Variants in SOBP observed in about 807,000 individuals in gnomAD.
The protein encoded by SOBP is sine oculis-binding protein homolog.
In SOBP, 4 loss-of-function variants were observed where a neutral mutation model predicts 53.6. That is an observed-to-expected ratio of 0.07 (90% CI 0.04 to 0.17). The LOEUF (loss-of-function observed/expected upper bound fraction) is 0.17. Ranked by LOEUF, SOBP falls within the 10% of genes least tolerant of loss-of-function variation. SOBP has a pLI of 1.00. For synonymous variants in SOBP, 584 were observed against 522.6 expected (o/e 1.12, Z -1.60); for missense variants, 1,088 against 1,204.7 (o/e 0.90, Z 1.43).
chr6:107,610,988 G>C (rs879808103), intron 5 of SOBP, among the ~76,000 whole-genome samples: 9 of 152,278 alleles, frequency 5.9e-5, no homozygotes, highest in Non-Finnish European at 8.8e-5. Flanking sequence ...GCAGGCTGGA[G>C]AGAGCAGGCT....
intron 5 of SOBP, among the ~76,000 whole-genome samples, chr6:107,591,624 T>C (rs1284333919): frequency 6.6e-6 from 1 of 152,096 alleles, no homozygotes; most frequent in Non-Finnish European, 1.5e-5. Context: ...TGGCCAAGTG[T>C]AGAGTACCTG....
chr6:107,643,033 G>C (rs561220504), intron 6 of SOBP, among the ~76,000 whole-genome samples: 7 of 152,292 alleles, frequency 4.6e-5, no homozygotes, highest in African/African-American at 1.4e-4. Flanking sequence ...AAATGTTACT[G>C]TCTTAAATTT....
At chr6:107,569,900 C>T (rs1441738497) in intron 4 of SOBP, among the ~76,000 whole-genome samples, 3 of 152,232 alleles carry the variant, frequency 2.0e-5, no homozygotes, top group Non-Finnish European at 2.9e-5. Flanking sequence ...CCCCCCTTTG[C>T]AGCCCATCTC....
intron 1 of SOBP, among the ~76,000 whole-genome samples, chr6:107,497,944 T>G (rs112316371): frequency 1.3e-5 from 2 of 152,236 alleles, no homozygotes; most frequent in African/African-American, 4.8e-5. Flanking sequence ...TTCTAACAGT[T>G]GTAGCAATTT....
chr6:107,650,970 T>C (rs1277037448), intron 6 of SOBP, among the ~76,000 whole-genome samples: 1 of 152,178 alleles, frequency 6.6e-6, no homozygotes, highest in African/African-American at 2.4e-5. Flanking sequence ...AAACTAAAAT[T>C]GCTACTCCAT....
At chr6:107,555,133 A>G (rs1463428955) in intron 4 of SOBP, among the ~76,000 whole-genome samples, 1 of 151,678 alleles carries the variant, frequency 6.6e-6, no homozygotes, top group African/African-American at 2.4e-5. Context: ...AAAACTGGCC[A>G]TCCACCCACC....
chr6:107,652,828 T>C (rs1771861433), intron 6 of SOBP, among the ~76,000 whole-genome samples: 1 of 151,746 alleles, frequency 6.6e-6, no homozygotes, highest in Non-Finnish European at 1.5e-5. Context: ...AGGTTATGGT[T>C]TGCTGAAGGC....
At chr6:107,610,269 C>T (rs1239246478) in intron 5 of SOBP, among the ~76,000 whole-genome samples, 1 of 152,170 alleles carries the variant, frequency 6.6e-6, no homozygotes, top group Non-Finnish European at 1.5e-5. Context: ...AGACAGCCCA[C>T]CCAGGGCTGC....
rs575862160 is a variant in SOBP, at chr6:107,540,472, A to G, written c.573+6862A>G. On this transcript the variant is annotated intron_variant, in intron 4 of 6. Coordinates refer to ENST00000317357, the MANE Select transcript of SOBP (RefSeq NM_018013.4). ...AGAATGGGAAATTCCCTATGTTACAATCCACTCTTAGGGTGGCTGTGCACA... is the reference window on the plus strand; with the variant it reads ...AGAATGGGAAATTCCCTATGTTACAGTCCACTCTTAGGGTGGCTGTGCACA... Among the ~76,000 whole-genome samples, 9 of 152,314 alleles carry G rather than the reference A, an allele frequency of 5.9e-5. No individual in the cohort carries two copies. In the East Asian group the frequency reaches 1.5e-3, roughly 26 times the overall value.
intron 6 of SOBP, among the ~76,000 whole-genome samples, chr6:107,639,286 T>G (rs1771203691): frequency 6.6e-6 from 1 of 152,230 alleles, no homozygotes; most frequent in South Asian, 2.1e-4. Context: ...GCAGCTACAG[T>G]TGTCTTCAAG....
intron 1 of SOBP, among the ~76,000 whole-genome samples, chr6:107,494,954 A>AAG (rs147467788): frequency 6.6e-6 from 1 of 151,938 alleles, no homozygotes. Context: ...GCTTGATTTT[A>AAG]AGAGAGAGAG....
chr6:107,656,260 A>C (rs1772026902), intron 6 of SOBP, among the ~76,000 whole-genome samples: 1 of 151,414 alleles, frequency 6.6e-6, no homozygotes, highest in Middle Eastern at 3.4e-3. Flanking sequence ...CCCTCTCTCC[A>C]TTGTCACTTA....
chr6:107,533,271 CAAAAA>C (rs762864049), intron 3 of SOBP, among the ~76,000 whole-genome samples, 183 bp from the exon 4 acceptor site: 27 of 32,822 alleles, frequency 8.2e-4, no homozygotes, highest in African/African-American at 1.8e-3. Flanking sequence ...ACTTAGGAGC[CAAAAA>C]AAAAAAAAAA....
chr6:107,498,036 G>A (rs1458415771), intron 1 of SOBP, among the ~76,000 whole-genome samples: 1 of 152,006 alleles, frequency 6.6e-6, no homozygotes, highest in Non-Finnish European at 1.5e-5. Context: ...TTAAAATTAG[G>A]TTTTCCTGAA....
At position 107,645,670 on chromosome 6, in the gene SOBP, G is replaced by C. The variant is rs74596305; in HGVS notation, c.*3+10201G>C. Among the ~76,000 whole-genome samples the C allele has an allele frequency of 9.3e-3, 1,416 of 152,326 alleles. 24 individuals are homozygous for C. The highest frequency in any genetic ancestry group is 0.033 in the African/African-American group (1,355 of 41,558). On this transcript the variant is annotated intron_variant, in intron 6 of 6. Transcript: ENST00000317357. Reference sequence around the variant, plus strand: ...TTGTAACCAAGTGCCTAGCACAGGGGCTGGAAGAATGAGCACACAAGTATT... The same window carrying C: ...TTGTAACCAAGTGCCTAGCACAGGGCCTGGAAGAATGAGCACACAAGTATT...
intron 4 of SOBP, among the ~76,000 whole-genome samples, chr6:107,566,008 A>G (rs942432266): frequency 3.9e-5 from 6 of 152,246 alleles, no homozygotes; most frequent in African/African-American, 1.4e-4. Context: ...TCCCTTGCTA[A>G]GGGAGCTGAC....
In SOBP at chr6:107,569,542, G is replaced by A. The variant is rs192836032; in HGVS notation, c.574-17538G>A. Among the ~76,000 whole-genome samples, 18 of 152,270 alleles carry A rather than the reference G, an allele frequency of 1.2e-4. No homozygotes were observed. The East Asian group carries it at 1.5e-3, about 13-fold the overall frequency. On this transcript the variant is annotated intron_variant, in intron 4 of 6. Transcript: ENST00000317357. ...TGTGAAGCACACGCCTCAACTTTTC[G>A]TTACTTTGGCTTTTTTTGGCTAGTG...
intron 3 of SOBP, among the ~76,000 whole-genome samples, chr6:107,531,916 G>GA (rs1363345056): frequency 6.6e-6 from 1 of 151,986 alleles, no homozygotes. Flanking sequence ...TACTCAGGGG[G>GA]AAAAAAGCCA....
intron 2 of SOBP, among the ~76,000 whole-genome samples, chr6:107,504,847 T>A (rs1782937309): frequency 6.6e-6 from 1 of 152,238 alleles, no homozygotes; most frequent in African/African-American, 2.4e-5. Flanking sequence ...ATCATCAATT[T>A]CACTGTAAAT....
Sources: allele counts gnomAD v4.1 joint callset (sites outside exome capture counted in the v4.1 genomes callset), GRCh38; gene constraint gnomAD v4.1.1; transcripts MANE v1.5; gene names NCBI Gene and HGNC (gene_info 2026-07-23, HGNC 2026-07-21).